Variants in SPEN observed in about 807,000 individuals in gnomAD.
SPEN encodes spen family transcriptional repressor.
Under a neutral mutation model 269.9 loss-of-function variants are expected in SPEN, and 18 were observed. The observed-to-expected ratio is 0.07, with a 90% CI of 0.05 to 0.10. The LOEUF is 0.10. Among genes scored for constraint, SPEN ranks in the 10% least tolerant of loss-of-function variants. SPEN has a pLI of 1.00. For missense variants in SPEN, 3,822 were observed against 4,631.2 expected (o/e 0.83, Z 5.07); for synonymous variants, 1,726 against 1,765.7 (o/e 0.98, Z 0.56).
chr1:15,891,906 TAA>T (rs61565536), intron 3 of SPEN, among the ~76,000 whole-genome samples: 2 of 144,590 alleles, frequency 1.4e-5, no homozygotes, highest in East Asian at 2.0e-4. Context: ...CTGGTTTTTT[TAA>T]AAAAAAAAAA....
Position 15,937,131 on chromosome 1 carries a change from CT to C in SPEN, c.10027-31del, listed in dbSNP as rs1557763641. On this transcript the variant is annotated intron_variant, in intron 11 of 14. Transcript: ENST00000375759. The surrounding 1 kb of genome is among the most constrained non-coding windows in gnomAD (Gnocchi z 5.7). The stretch of plus-strand genomic sequence containing the variant: ...CAGGGGCTTGTGCACAACAGACTGA[CT>C]CTGTCCCTTTGCCTTCCTTCCCTAC... The C allele has an allele frequency of 1.3e-6, 2 of 1,593,476 alleles. No individual in the cohort carries two copies. Among genetic ancestry groups the C allele is most frequent in the Non-Finnish European group, 1.7e-6 (2 of 1,168,674 alleles).
chr1:15,936,592 T>C (rs2071277615), intron 11 of SPEN, among the ~76,000 whole-genome samples: 1 of 147,526 alleles, frequency 6.8e-6, no homozygotes, highest in Non-Finnish European at 1.5e-5. Flanking sequence ...GAGGTTGCAT[T>C]GAACCAAGGT....
At chr1:15,902,070 A>G (rs1268261783) in intron 3 of SPEN, among the ~76,000 whole-genome samples, 1 of 151,774 alleles carries the variant, frequency 6.6e-6, no homozygotes, top group East Asian at 1.9e-4. Context: ...CTGGGACTAC[A>G]GGCATGTGCC....
intron 3 of SPEN, among the ~76,000 whole-genome samples, chr1:15,901,435 G>A (rs537244680): frequency 2.7e-4 from 41 of 151,502 alleles, no homozygotes; most frequent in African/African-American, 9.7e-4. Flanking sequence ...TCAGAAGTTC[G>A]AGACCACCCT....
At chr1:15,891,970 A>G (rs928668457) in intron 3 of SPEN, among the ~76,000 whole-genome samples, 1 of 150,248 alleles carries the variant, frequency 6.7e-6, no homozygotes, top group Non-Finnish European at 1.5e-5. Flanking sequence ...TATTAGGTTA[A>G]ATAAAGCATA....
intron 6 of SPEN, among the ~76,000 whole-genome samples, 197 bp downstream of exon 6, chr1:15,916,476 T>C (rs376834741): frequency 3.1e-4 from 47 of 152,014 alleles, no homozygotes; most frequent in African/African-American, 1.1e-3. Flanking sequence ...ATGTAATATA[T>C]GTCCTTTGTT....
intron 1 of SPEN, among the ~76,000 whole-genome samples, chr1:15,857,360 C>T (rs530909070): frequency 1.5e-4 from 22 of 151,718 alleles, no homozygotes; most frequent in Non-Finnish European, 2.4e-4. Context: ...CCACTGCACC[C>T]AGCCTTTTTT....
At chr1:15,890,005 G>A (rs1178262103) in intron 3 of SPEN, among the ~76,000 whole-genome samples, 3 of 152,048 alleles carry the variant, frequency 2.0e-5, no homozygotes, top group Non-Finnish European at 2.9e-5. Flanking sequence ...ATGAGCCACC[G>A]CACCCGGCCT....
At position 15,876,198 on chromosome 1, in the gene SPEN, G is replaced by T. The variant is rs763549694; in HGVS notation, c.405-4G>T. ...TTAAATATTTTTCCCCCTCCTAAAT[G>T]CAGGGCTTCAGATAACAGGGAGCGT... On this transcript the variant is annotated splice_region_variant and splice_polypyrimidine_tract_variant and intron_variant, in intron 2 of 14. Transcript: ENST00000375759. 6.2e-7 allele frequency: 1 copy of T among 1,603,604 alleles called. No homozygotes were observed. The highest frequency in any genetic ancestry group is 1.1e-5 in the South Asian group (1 of 90,900).
intron 2 of SPEN, 63 bp downstream of exon 2, chr1:15,873,199 A>G: frequency 6.7e-7 from 1 of 1,499,456 alleles, no homozygotes; most frequent in Non-Finnish European, 8.9e-7. Flanking sequence ...ACAGAAACTC[A>G]TATTTAGGGG....
chr1:15,864,047 C>T lies in SPEN; in HGVS notation c.84-8769C>T, dbSNP rs568957084. Among the ~76,000 whole-genome samples the T allele has an allele frequency of 2.0e-5, 3 of 152,118 alleles. No homozygotes were observed. The South Asian group carries it at 6.2e-4, about 32-fold the overall frequency. ...ACACATGCTACAACATTTGAAGACA[C>T]TATGTAAGTGAAATAAGCCAGTTAA... On this transcript the variant is annotated intron_variant, in intron 1 of 14. Coordinates refer to ENST00000375759, the MANE Select transcript of SPEN (RefSeq NM_015001.3).
chr1:15,891,185 T>A (rs944816621), intron 3 of SPEN, among the ~76,000 whole-genome samples: 1 of 152,070 alleles, frequency 6.6e-6, no homozygotes, highest in Admixed American at 6.6e-5. Flanking sequence ...TGGAAATAAT[T>A]GCTATGAAAA....
intron 3 of SPEN, among the ~76,000 whole-genome samples, chr1:15,900,083 C>T (rs539204212): frequency 1.3e-5 from 2 of 151,998 alleles, no homozygotes; most frequent in South Asian, 4.1e-4. Context: ...TGACCTCAGG[C>T]GGTCCACCGT....
At chr1:15,903,489 A>G (rs1570028713) in intron 3 of SPEN, among the ~76,000 whole-genome samples, 1 of 152,282 alleles carries the variant, frequency 6.6e-6, no homozygotes, top group South Asian at 2.1e-4. Flanking sequence ...CTGGGCTTAG[A>G]TAATCCTCCC....
Position 15,939,599 on chromosome 1 carries a change from G to T in SPEN, c.*172G>T. Reference sequence around the variant, plus strand: ...TCAGTCGGCCAGACTTCCTCTAGGAGTGGTGCTGCTACCTTGTATGTTTAC... The same window carrying T: ...TCAGTCGGCCAGACTTCCTCTAGGATTGGTGCTGCTACCTTGTATGTTTAC... On this transcript the variant is annotated 3_prime_UTR_variant, in exon 15 of 15. Coordinates refer to ENST00000375759, the MANE Select transcript of SPEN (RefSeq NM_015001.3). This position sits in a 1 kb window ranked among gnomAD's most constrained non-coding sequence, Gnocchi z 4.1. 2.9e-6 allele frequency: 2 copies of T among 696,874 alleles called. No individual in the cohort carries two copies. Among genetic ancestry groups the T allele is most frequent in the Non-Finnish European group, 4.4e-6 (2 of 450,400 alleles). 43.2% of individuals were successfully genotyped at this position (696,874 alleles called of 1,614,324 possible).
intron 3 of SPEN, among the ~76,000 whole-genome samples, chr1:15,892,771 A>C (rs1219288413): frequency 6.6e-6 from 1 of 152,166 alleles, no homozygotes. Context: ...GGAGAAAATC[A>C]AATAACCAGA....
At chr1:15,899,740 A>G (rs1394208822) in intron 3 of SPEN, among the ~76,000 whole-genome samples, 4 of 151,832 alleles carry the variant, frequency 2.6e-5, no homozygotes, top group Admixed American at 6.6e-5. Context: ...CCATTTATAT[A>G]TCTTTGGAGA....
intron 3 of SPEN, among the ~76,000 whole-genome samples, chr1:15,903,894 A>G (rs2070926663): frequency 6.6e-6 from 1 of 152,210 alleles, no homozygotes; most frequent in Non-Finnish European, 1.5e-5. Context: ...TACCATTATT[A>G]CTACTTCTTT....
intron 1 of SPEN, among the ~76,000 whole-genome samples, chr1:15,853,614 C>T (rs919754448): frequency 6.6e-6 from 1 of 152,034 alleles, no homozygotes; most frequent in African/African-American, 2.4e-5. Context: ...CTGCCTCAGC[C>T]TCCTGAATAG....
Sources: allele counts gnomAD v4.1 joint callset (sites outside exome capture counted in the v4.1 genomes callset), GRCh38; gene constraint gnomAD v4.1.1; non-coding constraint Gnocchi (gnomAD v3.1); transcripts MANE v1.5; gene names NCBI Gene and HGNC (gene_info 2026-07-23, HGNC 2026-07-21).